Variants in ZSWIM5 observed in about 807,000 individuals in gnomAD.
ZSWIM5 encodes zinc finger SWIM-type containing 5, also known as zinc finger SWIM domain-containing protein 5.
ZSWIM5 carries 55 observed loss-of-function variants against 119.6 expected under a neutral mutation model. That is an observed-to-expected ratio of 0.46 (90% CI 0.37 to 0.58). The LOEUF is 0.58. ZSWIM5 is among the 20% of genes least tolerant of loss of function. The probability of loss-of-function intolerance (pLI) is 0.00; values close to 1 mark genes in which losing one functional copy is unlikely to be tolerated. For missense variants in ZSWIM5, 1,193 were observed against 1,512.8 expected (o/e 0.79, Z 3.51); for synonymous variants, 537 against 606.9 (o/e 0.88, Z 1.69).
chr1:45,181,152 T>C (rs1471444950), intron 1 of ZSWIM5, among the ~76,000 whole-genome samples: 1 of 151,908 alleles, frequency 6.6e-6, no homozygotes, highest in African/African-American at 2.4e-5. Flanking sequence ...AAGGAGGAAA[T>C]TCAAACCAAA....
chr1:45,148,384 A>T (rs1367172805), intron 1 of ZSWIM5, among the ~76,000 whole-genome samples: 1 of 152,128 alleles, frequency 6.6e-6, no homozygotes, highest in Non-Finnish European at 1.5e-5. Context: ...AACACTAAAT[A>T]AAGTAGGCCA....
chr1:45,139,366 C>CTT (rs200792767), intron 1 of ZSWIM5, among the ~76,000 whole-genome samples: 3 of 149,760 alleles, frequency 2.0e-5, no homozygotes, highest in Non-Finnish European at 4.5e-5. Flanking sequence ...CTTTTCTTTT[C>CTT]TTTTTTTTTC....
intron 11 of ZSWIM5, among the ~76,000 whole-genome samples, chr1:45,027,518 T>C (rs1323232421): frequency 6.6e-6 from 1 of 152,002 alleles, no homozygotes; most frequent in Non-Finnish European, 1.5e-5. Context: ...TGCCTCAGCC[T>C]CCTGAGTAGC....
At chr1:45,124,121 A>G (rs1645607605) in intron 1 of ZSWIM5, among the ~76,000 whole-genome samples, 2 of 152,168 alleles carry the variant, frequency 1.3e-5, no homozygotes, top group South Asian at 4.1e-4. Flanking sequence ...AAGTTTCCCA[A>G]ACAGAGGGGA....
intron 1 of ZSWIM5, among the ~76,000 whole-genome samples, chr1:45,195,815 G>A (rs1406760459): frequency 6.6e-6 from 1 of 151,296 alleles, no homozygotes; most frequent in Non-Finnish European, 1.5e-5. Context: ...TGTTTTGACT[G>A]CCAACAACAG....
At chr1:45,071,657 C>G (rs58132686) in intron 2 of ZSWIM5, among the ~76,000 whole-genome samples, 1 of 151,802 alleles carries the variant, frequency 6.6e-6, no homozygotes, top group Non-Finnish European at 1.5e-5. Context: ...AAGAGTTTTG[C>G]CATGTTGCCC....
At chr1:45,063,858 T>G (rs1460867299) in intron 2 of ZSWIM5, among the ~76,000 whole-genome samples, 1 of 151,844 alleles carries the variant, frequency 6.6e-6, no homozygotes, top group Non-Finnish European at 1.5e-5. Flanking sequence ...GGTGGGTGCA[T>G]GTAGTCCCAG....
chr1:45,114,329 T>C (rs1437888779), intron 1 of ZSWIM5, among the ~76,000 whole-genome samples: 1 of 152,154 alleles, frequency 6.6e-6, no homozygotes, highest in Non-Finnish European at 1.5e-5. Flanking sequence ...GAAGCTAGTA[T>C]GGTTATATTA....
At chr1:45,138,082 A>G (rs945055603) in intron 1 of ZSWIM5, among the ~76,000 whole-genome samples, 3 of 152,232 alleles carry the variant, frequency 2.0e-5, no homozygotes, top group Non-Finnish European at 4.4e-5. Flanking sequence ...ATGTATCTCC[A>G]TAAATAGAAA....
intron 2 of ZSWIM5, among the ~76,000 whole-genome samples, chr1:45,073,321 C>T (rs1429562285): frequency 1.4e-4 from 18 of 126,914 alleles, no homozygotes; most frequent in African/African-American, 4.6e-4. Context: ...TGCAGTGGCA[C>T]GATCTTAGCT....
chr1:45,115,925 G>C (rs1054482537), intron 1 of ZSWIM5, among the ~76,000 whole-genome samples: 1 of 152,204 alleles, frequency 6.6e-6, no homozygotes, highest in Non-Finnish European at 1.5e-5. Context: ...AGGTTGTAGC[G>C]AGCCGAGATC....
At chr1:45,024,782 G>A (rs1053462033) in intron 11 of ZSWIM5, among the ~76,000 whole-genome samples, 1 of 152,086 alleles carries the variant, frequency 6.6e-6, no homozygotes, top group Non-Finnish European at 1.5e-5. Flanking sequence ...AGCCTCCTGA[G>A]TAGCTGGGAT....
intron 1 of ZSWIM5, among the ~76,000 whole-genome samples, chr1:45,151,984 T>C (rs779863819): frequency 3.9e-5 from 6 of 152,172 alleles, no homozygotes; most frequent in Non-Finnish European, 7.3e-5. Flanking sequence ...TGAGTATGCA[T>C]TGGTGTATGA....
At chr1:45,025,477 CTTTGA>C (rs1644915519) in intron 11 of ZSWIM5, among the ~76,000 whole-genome samples, 1 of 152,116 alleles carries the variant, frequency 6.6e-6, no homozygotes, top group Non-Finnish European at 1.5e-5. Context: ...TTTAAATCAT[CTTTGA>C]TTTTTTTTCA....
intron 2 of ZSWIM5, among the ~76,000 whole-genome samples, chr1:45,075,781 T>TCTTC (rs1245967275): frequency 6.6e-6 from 1 of 152,108 alleles, no homozygotes; most frequent in Non-Finnish European, 1.5e-5. Context: ...TGTGGTCTTC[T>TCTTC]CTTCCTTCTT....
Position 45,166,421 on chromosome 1 carries a change from C to T in ZSWIM5, c.595+39335G>A, listed in dbSNP as rs566931347. Among the ~76,000 whole-genome samples the T allele has an allele frequency of 2.6e-5, 4 of 152,160 alleles. No homozygotes were observed. The East Asian group carries it at 7.7e-4, about 29-fold the overall frequency. ...TGAAAACTGGCACAAGACAGGGATG[C>T]CCTCTCTCACCACTCCTATTCAACA... On this transcript the variant is annotated intron_variant, in intron 1 of 13. Coordinates refer to ENST00000359600, the MANE Select transcript of ZSWIM5 (RefSeq NM_020883.2).
At chr1:45,191,007 C>T (rs1477200514) in intron 1 of ZSWIM5, among the ~76,000 whole-genome samples, 1 of 125,524 alleles carries the variant, frequency 8.0e-6, no homozygotes, top group African/African-American at 3.0e-5. Flanking sequence ...AGTGCAGTGG[C>T]GCTATCTCCT....
At chr1:45,113,846 T>G (rs1195436897) in intron 1 of ZSWIM5, among the ~76,000 whole-genome samples, 1 of 152,170 alleles carries the variant, frequency 6.6e-6, no homozygotes, top group Non-Finnish European at 1.5e-5. Flanking sequence ...CTCCTAAAAA[T>G]TATGCTCCTC....
chr1:45,020,076 A>T lies in ZSWIM5; in HGVS notation c.2685T>A (p.Ala895=). Reference sequence around the variant, plus strand: ...AGGTGGGAGACTCACCCACTTCTGTAGCACAGGTCACCAACCATCGTACCA... The same window carrying T: ...AGGTGGGAGACTCACCCACTTCTGTTGCACAGGTCACCAACCATCGTACCA... ...REMVRWLVTC[A]TEVGVRALVS... The change falls in exon 13 of 14, where the codon GCT becomes GCA. Residue 895 remains alanine, a synonymous_variant. Transcript: ENST00000359600. 2 of 1,614,074 alleles carry T rather than the reference A, an allele frequency of 1.2e-6. No homozygotes were observed. The highest frequency in any genetic ancestry group is 1.7e-6 in the Non-Finnish European group (2 of 1,179,986).
Sources: gnomAD v4.1 joint callset for allele counts (sites outside exome capture counted in the v4.1 genomes callset) on GRCh38, gnomAD v4.1.1 for gene constraint, MANE v1.5 for transcripts, NCBI Gene and HGNC (gene_info 2026-07-23, HGNC 2026-07-21) for gene names.